CDIP1: variants seen among roughly 807,000 people sequenced by gnomAD.
CDIP1 encodes the protein cell death-inducing p53-target protein 1.
In CDIP1, 9 loss-of-function variants were observed where a neutral mutation model predicts 17.7. The observed-to-expected ratio is 0.51, with a 90% CI of 0.31 to 0.89. CDIP1 has a LOEUF of 0.89. Among genes scored for constraint, CDIP1 ranks in the 40% least tolerant of loss-of-function variants. CDIP1 has a pLI of 0.05. For missense variants in CDIP1, 263 were observed against 277.9 expected (o/e 0.95, Z 0.38); for synonymous variants, 117 against 109.5 (o/e 1.07, Z -0.43).
intron 1 of CDIP1, among the ~76,000 whole-genome samples, chr16:4,527,826 T>G (rs949914598): frequency 2.0e-5 from 3 of 152,190 alleles, no homozygotes; most frequent in Admixed American, 1.3e-4. Context: ...GTTTTGTTTT[T>G]GTTTTTTGAG....
intron 1 of CDIP1, among the ~76,000 whole-genome samples, chr16:4,531,863 C>T (rs1246798126): frequency 6.6e-6 from 1 of 152,198 alleles, no homozygotes. Context: ...ACATGCGTTC[C>T]ATTTACATAG....
intron 1 of CDIP1, among the ~76,000 whole-genome samples, chr16:4,529,382 C>T (rs144923147): frequency 1.3e-5 from 2 of 152,206 alleles, no homozygotes; most frequent in Non-Finnish European, 2.9e-5. Context: ...GCTGAGGACA[C>T]AGCCCCGGCC....
intron 1 of CDIP1, among the ~76,000 whole-genome samples, chr16:4,515,342 T>C (rs1596485671): frequency 6.6e-6 from 1 of 152,174 alleles, no homozygotes; most frequent in Non-Finnish European, 1.5e-5. Context: ...CCATGGAAGT[T>C]TGAAAACTGA....
At chr16:4,534,424 T>A (rs1248289325) in intron 1 of CDIP1, among the ~76,000 whole-genome samples, 1 of 152,212 alleles carries the variant, frequency 6.6e-6, no homozygotes, top group African/African-American at 2.4e-5. Flanking sequence ...GTGATCACAA[T>A]GGGGCTGGGA....
At chr16:4,530,606 G>A (rs568817277) in intron 1 of CDIP1, among the ~76,000 whole-genome samples, 4 of 150,244 alleles carry the variant, frequency 2.7e-5, no homozygotes, top group African/African-American at 7.3e-5. Context: ...CCGAGATTGC[G>A]CCAGTACACT....
intron 1 of CDIP1, among the ~76,000 whole-genome samples, chr16:4,517,751 A>AC (rs1309132664): frequency 2.3e-3 from 126 of 54,238 alleles, no homozygotes; most frequent in African/African-American, 4.0e-3. Flanking sequence ...AAAAAACAAA[A>AC]AAAAAAAAAA....
rs767391619 is a variant in CDIP1 at position 4,512,551 on chromosome 16, G to C, written c.*21C>G. Reference sequence around the variant, plus strand: ...CAGGGGGCCAGACTGACAGGCGGGGGAGTCCCGAGTCCCAGCTCCGTTAGC... The same window carrying C: ...CAGGGGGCCAGACTGACAGGCGGGGCAGTCCCGAGTCCCAGCTCCGTTAGC... On this transcript the variant is annotated 3_prime_UTR_variant, in exon 6 of 6. Coordinates refer to ENST00000567695, the MANE Select transcript of CDIP1 (RefSeq NM_013399.3). The surrounding 1 kb of genome is among the most constrained non-coding windows in gnomAD (Gnocchi z 4.6). The C allele has an allele frequency of 3.2e-5, 50 of 1,550,780 alleles. No individual in the cohort carries two copies. Among genetic ancestry groups the C allele is most frequent in the Non-Finnish European group, 4.5e-5 (50 of 1,122,724 alleles).
At position 4,512,168 on chromosome 16, in the gene CDIP1, C is replaced by G. The variant is rs542314305; in HGVS notation, c.*404G>C. 4.8e-5 allele frequency: 10 copies of G among 208,016 alleles called. No individual in the cohort carries two copies. The highest frequency in any genetic ancestry group is 2.3e-4 in the African/African-American group (10 of 43,174). The allele number at this position is 208,016 out of a possible 1,614,324, so 12.9% of individuals were successfully genotyped here. On this transcript the variant is annotated 3_prime_UTR_variant, in exon 6 of 6. Transcript: ENST00000567695. The surrounding 1 kb of genome is among the most constrained non-coding windows in gnomAD (Gnocchi z 4.6). Reference sequence around the variant, plus strand: ...CCCAGCAGGTCAGAAACGCCTGTGGCCACAGGCCTGGGGACTAACTGGCTA... The same window carrying G: ...CCCAGCAGGTCAGAAACGCCTGTGGGCACAGGCCTGGGGACTAACTGGCTA...
intron 1 of CDIP1, 195 bp downstream of exon 1, chr16:4,538,507 C>G (rs893962012): frequency 2.7e-5 from 4 of 149,144 alleles, no homozygotes; most frequent in East Asian, 3.9e-4. Context: ...TCACCCCCCC[C>G]ACCACAACCC....
chr16:4,512,484 G>T lies in CDIP1; in HGVS notation c.*88C>A. The T allele has an allele frequency of 1.1e-6, 1 of 935,050 alleles. No homozygotes were observed. Among genetic ancestry groups the T allele is most frequent in the Non-Finnish European group, 1.7e-6 (1 of 573,478 alleles). The allele number at this position is 935,050 out of a possible 1,614,324, so 57.9% of individuals were successfully genotyped here. ...ATGGTGGCACGGCTCCCAGCCCCAA[G>T]TGGGAGCGGGAAAGTGACCACTGAG... is the stretch of plus-strand genomic sequence containing the variant. On this transcript the variant is annotated 3_prime_UTR_variant, in exon 6 of 6. Transcript: ENST00000567695. This position sits in a 1 kb window ranked among gnomAD's most constrained non-coding sequence, Gnocchi z 4.6.
Position 4,511,656 on chromosome 16 carries a change from C to T in CDIP1, c.*916G>A, listed in dbSNP as rs745661723. On this transcript the variant is annotated 3_prime_UTR_variant, in exon 6 of 6. Transcript: ENST00000567695. The stretch of plus-strand genomic sequence containing the variant: ...GGGAAGAAAATCCATGGAGAAGGCT[C>T]TGCACATCCAAGCGCACCCACAAGG... 1 of 152,486 alleles carries T rather than the reference C, an allele frequency of 6.6e-6. No homozygotes were observed. Among genetic ancestry groups the T allele is most frequent in the African/African-American group, 2.4e-5 (1 of 41,466 alleles). The allele number at this position is 152,486 out of a possible 1,614,324, so 9.4% of individuals were successfully genotyped here.
At chr16:4,526,903 C>T (rs2059006927) in intron 1 of CDIP1, among the ~76,000 whole-genome samples, 2 of 151,980 alleles carry the variant, frequency 1.3e-5, no homozygotes, top group African/African-American at 4.8e-5. Context: ...CCACGCCCAC[C>T]ACCCTGCCCT....
chr16:4,512,764 C>A lies in CDIP1; in HGVS notation c.515+27G>T, dbSNP rs753097672. On this transcript the variant is annotated intron_variant, in intron 5 of 5. Transcript: ENST00000567695. This position sits in a 1 kb window ranked among gnomAD's most constrained non-coding sequence, Gnocchi z 4.6. ...AGCCAGTTGACCCTGGTGCAGCCCC[C>A]ACCCTACCAGTGCCCACACCACCTA... 2 of 1,597,082 alleles carry A rather than the reference C, an allele frequency of 1.3e-6. No individual in the cohort carries two copies. Among genetic ancestry groups the A allele is most frequent in the East Asian group, 2.3e-5 (1 of 44,136 alleles).
rs1350261873 is a variant in CDIP1, at chr16:4,513,031, A to G, written c.275T>C (p.Met92Thr). Residue 92 changes from methionine (M) to threonine (T), a missense_variant, in exon 5 of 6, where the codon ATG (methionine) becomes ACG (threonine). Coordinates refer to ENST00000567695, the MANE Select transcript of CDIP1 (RefSeq NM_013399.3). The surrounding 1 kb of genome is among the most constrained non-coding windows in gnomAD (Gnocchi z 4.1). ...GTAGGGCCCTGGGGGGTAGTAGCCC[A>G]TGGGTGGGTGGGGGCCTGGAGGAGG... ...FYPPPGPHPP[M>T]GYYPPGPYTP... The G allele has an allele frequency of 2.5e-6, 4 of 1,594,902 alleles. No homozygotes were observed. The highest frequency in any genetic ancestry group is 3.4e-6 in the Non-Finnish European group (4 of 1,172,920).
chr16:4,529,220 G>A (rs1435502044), intron 1 of CDIP1, among the ~76,000 whole-genome samples: 1 of 152,186 alleles, frequency 6.6e-6, no homozygotes, highest in African/African-American at 2.4e-5. Context: ...CAAATGGAAA[G>A]TTTAGATCTG....
At position 4,514,272 on chromosome 16, in the gene CDIP1, C is replaced by A. The variant is rs1321011246; in HGVS notation, c.-14-128G>T. The A allele has an allele frequency of 5.1e-6, 3 of 583,224 alleles. No homozygotes were observed. The highest frequency in any genetic ancestry group is 9.0e-6 in the Non-Finnish European group (3 of 332,710). The allele number at this position is 583,224 out of a possible 1,614,324, so 36.1% of individuals were successfully genotyped here. On this transcript the variant is annotated intron_variant, in intron 2 of 5. Transcript: ENST00000567695. This position sits in a 1 kb window ranked among gnomAD's most constrained non-coding sequence, Gnocchi z 5.2. ...ATCCTCAGAAGGGTCTGCCTCCAGG[C>A]ACTGGGGATCCCCCACCTTTCCCAG...
intron 1 of CDIP1, among the ~76,000 whole-genome samples, chr16:4,531,031 G>C (rs185569796): frequency 1.3e-5 from 2 of 151,658 alleles, no homozygotes; most frequent in South Asian, 4.2e-4. Flanking sequence ...CCATCTGCTT[G>C]GCCATGTATA....
rs760461374 is a variant in CDIP1 at position 4,527,090 on chromosome 16, CT to C, written c.-105+11611del. Among the ~76,000 whole-genome samples, 910 of 140,318 alleles carry C rather than the reference CT, an allele frequency of 6.5e-3. 20 individuals carry two copies. Among genetic ancestry groups the C allele is most frequent in the African/African-American group, 0.01 (392 of 38,414 alleles). The allele number at this position is 140,318 out of a possible 152,430, so 92.1% of individuals were successfully genotyped here. A position where few individuals can be genotyped will look rare whatever the true frequency, so the allele number is the denominator to read the frequency against. ...CACGAGAAAAAAGAAGACACTGTTA[CT>C]TTTTTTTTTTTTTTTAGACGGAGTC... On this transcript the variant is annotated intron_variant, in intron 1 of 5. Coordinates refer to ENST00000567695, the MANE Select transcript of CDIP1 (RefSeq NM_013399.3).
At chr16:4,534,683 T>C (rs2059088797) in intron 1 of CDIP1, among the ~76,000 whole-genome samples, 1 of 151,276 alleles carries the variant, frequency 6.6e-6, no homozygotes. Flanking sequence ...AGGCCGCTGT[T>C]TGCATGGTTT....
Sources: allele counts gnomAD v4.1 joint callset (sites outside exome capture counted in the v4.1 genomes callset), GRCh38; gene constraint gnomAD v4.1.1; non-coding constraint Gnocchi (gnomAD v3.1); transcripts MANE v1.5; gene names NCBI Gene and HGNC (gene_info 2026-07-23, HGNC 2026-07-21).